Variants in CBLB observed in about 807,000 individuals in gnomAD.
CBLB encodes the protein E3 ubiquitin-protein ligase CBL-B.
In CBLB, 31 loss-of-function variants were observed where a neutral mutation model predicts 104.9. The ratio of observed to expected loss-of-function variants is 0.30; its 90% CI spans 0.22 to 0.40. The LOEUF (loss-of-function observed/expected upper bound fraction) is 0.40. CBLB is among the 10% of genes least tolerant of loss of function. CBLB has a pLI of 1.00. For synonymous variants in CBLB, 440 were observed against 422.6 expected (o/e 1.04, Z -0.51); for missense variants, 1,062 against 1,214.6 (o/e 0.87, Z 1.87).
At chr3:105,804,120 C>T (rs1390576298) in intron 3 of CBLB, among the ~76,000 whole-genome samples, 1 of 152,120 alleles carries the variant, frequency 6.6e-6, no homozygotes, top group Non-Finnish European at 1.5e-5. Flanking sequence ...ATCTCAAATG[C>T]CCAAATGGTG....
chr3:105,863,091 C>G lies in CBLB; in HGVS notation c.168+4319G>C, dbSNP rs528412893. On this transcript the variant is annotated intron_variant, in intron 2 of 18. Coordinates refer to ENST00000394030, the MANE Select transcript of CBLB (RefSeq NM_170662.5). ...TCTAAAAAGAAGAAAGAAATAGATTCAAAATCTCAATGCTAAAAATTCTGT... is the reference window on the plus strand; with the variant it reads ...TCTAAAAAGAAGAAAGAAATAGATTGAAAATCTCAATGCTAAAAATTCTGT... 2.6e-5 allele frequency among the ~76,000 whole-genome samples: 4 copies of G among 152,236 alleles called. No individual in the cohort carries two copies. The South Asian group carries it at 8.3e-4, about 32-fold the overall frequency.
At position 105,776,334 on chromosome 3, in the gene CBLB, G is replaced by A. The variant is rs2079454695; in HGVS notation, c.566+62C>T. ...GTAAAATATATACCATATCCAACTG[G>A]AGGGAGGATACAGTAACCCTTGAAA... On this transcript the variant is annotated intron_variant, in intron 4 of 18. Transcript: ENST00000394030. 3.3e-5 allele frequency: 46 copies of A among 1,404,540 alleles called. No individual in the cohort carries two copies. In the South Asian group the frequency reaches 4.2e-4, roughly 13 times the overall value. 87.0% of individuals were successfully genotyped at this position (1,404,540 alleles called of 1,614,324 possible).
chr3:105,860,185 T>C (rs1407738436), intron 2 of CBLB, among the ~76,000 whole-genome samples: 3 of 152,320 alleles, frequency 2.0e-5, no homozygotes, highest in South Asian at 2.1e-4. Context: ...TATGGAACTT[T>C]GCATATAGTA....
chr3:105,676,523 G>A (rs1394908208), intron 17 of CBLB, among the ~76,000 whole-genome samples: 3 of 152,110 alleles, frequency 2.0e-5, no homozygotes, highest in Non-Finnish European at 2.9e-5. Flanking sequence ...AAGGTAATAG[G>A]AGAGCCAGAA....
chr3:105,656,867 G>A lies in CBLB; in HGVS notation c.*2103C>T, dbSNP rs1161545531. The A allele has an allele frequency of 1.4e-5, 3 of 209,366 alleles. No homozygotes were observed. Among genetic ancestry groups the A allele is most frequent in the African/African-American group, 4.5e-5 (2 of 44,104 alleles). 13.0% of individuals were successfully genotyped at this position (209,366 alleles called of 1,614,324 possible). The stretch of plus-strand genomic sequence containing the variant: ...TCATAAAAAGGCCAAAATAAACAGT[G>A]CTATTCCAAGGTGACATCTGAAACT... On this transcript the variant is annotated 3_prime_UTR_variant, in exon 19 of 19. Transcript: ENST00000394030.
chr3:105,796,965 G>A (rs556598951), intron 3 of CBLB, among the ~76,000 whole-genome samples: 2 of 152,214 alleles, frequency 1.3e-5, no homozygotes, highest in Admixed American at 6.5e-5. Context: ...GCTGAGAAAA[G>A]GGAACACTTA....
intron 7 of CBLB, 21 bp from the exon 8 acceptor site, chr3:105,737,279 TA>T: frequency 8.2e-7 from 1 of 1,226,938 alleles, no homozygotes; most frequent in South Asian, 1.3e-5. Context: ...ACAGAAACTT[TA>T]TTACCTTAAA....
intron 3 of CBLB, among the ~76,000 whole-genome samples, chr3:105,793,066 T>C (rs1434590559): frequency 2.0e-5 from 3 of 152,110 alleles, no homozygotes; most frequent in Non-Finnish European, 4.4e-5. Context: ...TCCACCAGCA[T>C]AAATATCCTT....
intron 11 of CBLB, among the ~76,000 whole-genome samples, chr3:105,703,500 G>T (rs1177825051): frequency 1.3e-5 from 2 of 152,012 alleles, no homozygotes; most frequent in Non-Finnish European, 2.9e-5. Flanking sequence ...TGCAAATATT[G>T]CAATTCATTG....
chr3:105,868,711 C>T (rs1706610613), intron 1 of CBLB, 25 bp downstream of exon 1: 3 of 996,112 alleles, frequency 3.0e-6, no homozygotes, highest in South Asian at 9.3e-5. Flanking sequence ...TGTGGAGCCT[C>T]CCCGGCGACC....
chr3:105,761,903 G>T (rs2077678733), intron 4 of CBLB, among the ~76,000 whole-genome samples: 2 of 152,186 alleles, frequency 1.3e-5, no homozygotes, highest in South Asian at 4.1e-4. Flanking sequence ...TGCTGATAGT[G>T]ATATGGACAA....
At chr3:105,758,972 C>T (rs2077345261) in intron 4 of CBLB, among the ~76,000 whole-genome samples, 1 of 152,180 alleles carries the variant, frequency 6.6e-6, no homozygotes, top group South Asian at 2.1e-4. Flanking sequence ...AGGGTGGGCA[C>T]ATTTCAGCCC....
intron 16 of CBLB, among the ~76,000 whole-genome samples, chr3:105,680,421 A>C (rs986273819): frequency 6.6e-6 from 1 of 152,234 alleles, no homozygotes; most frequent in African/African-American, 2.4e-5. Flanking sequence ...ACCCATATGC[A>C]AATATACAGA....
chr3:105,846,866 A>C, intron 3 of CBLB, among the ~76,000 whole-genome samples: 1 of 152,104 alleles, frequency 6.6e-6, no homozygotes, highest in East Asian at 1.9e-4. Context: ...ATACAGATCA[A>C]TCTCTTTATA....
At chr3:105,817,355 G>A (rs899928936) in intron 3 of CBLB, among the ~76,000 whole-genome samples, 4 of 152,028 alleles carry the variant, frequency 2.6e-5, no homozygotes, top group South Asian at 2.1e-4. Flanking sequence ...ATTTTTAAGG[G>A]AGAGGAGATT....
chr3:105,829,051 C>CA (rs771113811), intron 3 of CBLB, among the ~76,000 whole-genome samples: 1,686 of 137,456 alleles, frequency 0.012, 12 homozygotes, highest in Non-Finnish European at 0.012. Flanking sequence ...TTCCTAAATA[C>CA]AAAAAAAAAA....
intron 9 of CBLB, 82 bp from the exon 10 acceptor site, chr3:105,720,332 A>G: frequency 7.5e-7 from 1 of 1,337,702 alleles, no homozygotes; most frequent in Non-Finnish European, 1.0e-6. Context: ...TACAACTATA[A>G]AAGTCACACC....
At chr3:105,840,051 T>C (rs73196329) in intron 3 of CBLB, among the ~76,000 whole-genome samples, 5,844 of 152,214 alleles carry the variant, frequency 0.038, 176 homozygotes, top group Middle Eastern at 0.065. Context: ...GAAAAAAGAA[T>C]AAAATTGACA....
At chr3:105,696,843 T>A (rs1228413805) in intron 12 of CBLB, among the ~76,000 whole-genome samples, 4 of 151,920 alleles carry the variant, frequency 2.6e-5, no homozygotes, top group African/African-American at 9.7e-5. Flanking sequence ...CTACTCTTTT[T>A]ATGCTATAGG....
Sources: allele counts gnomAD v4.1 joint callset (sites outside exome capture counted in the v4.1 genomes callset), GRCh38; gene constraint gnomAD v4.1.1; transcripts MANE v1.5; gene names NCBI Gene and HGNC (gene_info 2026-07-23, HGNC 2026-07-21).